Variants in OPRK1 observed in about 807,000 individuals in gnomAD.
The protein encoded by OPRK1 is kappa-type opioid receptor.
OPRK1 carries 15 observed loss-of-function variants against 24.5 expected under a neutral mutation model. That is an observed-to-expected ratio of 0.61 (90% CI 0.41 to 0.94). OPRK1 has a LOEUF of 0.94. OPRK1 is among the 40% of genes least tolerant of loss of function. OPRK1 has a pLI of 0.00. For missense variants in OPRK1, 479 were observed against 507.3 expected, an observed-to-expected ratio of 0.94 and a Z score of 0.54; for synonymous variants, 205 against 198.0, an observed-to-expected ratio of 1.04 and a Z score of -0.30.
intron 3 of OPRK1, among the ~76,000 whole-genome samples, chr8:53,232,335 G>C (rs1806875599): frequency 6.6e-6 from 1 of 152,064 alleles, no homozygotes; most frequent in Non-Finnish European, 1.5e-5. Context: ...GCACAAGAAG[G>C]TGACTACAGT....
chr8:53,251,397 T>G, intron 1 of OPRK1, 51 bp downstream of exon 1: 1 of 322,110 alleles, frequency 3.1e-6, no homozygotes. Context: ...CCTTCCCACC[T>G]CCCAGCACGG....
At chr8:53,238,709 G>A in intron 2 of OPRK1, 1 of 985,440 alleles carries the variant, frequency 1.0e-6, no homozygotes, top group Non-Finnish European at 1.2e-6. Flanking sequence ...ATGGTGAGGG[G>A]AACAAAGTTA....
chr8:53,234,182 C>CAAAAAAAAAAAAAA lies in OPRK1; in HGVS notation c.610+563_610+576dup, dbSNP rs546459906. On this transcript the variant is annotated intron_variant, in intron 3 of 3. Transcript: ENST00000265572. ...CTGGCAACAGAGCAAGACTCTCTCT[C>CAAAAAAAAAAAAAA]AAAAAAAAAAAAAAAAAAAAATCAG... 9.9e-4 allele frequency among the ~76,000 whole-genome samples: 65 copies of CAAAAAAAAAAAAAA among 65,356 alleles called. 7 individuals are homozygous for CAAAAAAAAAAAAAA. Among genetic ancestry groups the CAAAAAAAAAAAAAA allele is most frequent in the African/African-American group, 4.0e-3 (50 of 12,458 alleles). The allele number at this position is 65,356 out of a possible 152,430, so 42.9% of individuals were successfully genotyped here.
chr8:53,230,103 T>C (rs1027412850), intron 3 of OPRK1, among the ~76,000 whole-genome samples: 6 of 151,640 alleles, frequency 4.0e-5, no homozygotes, highest in Admixed American at 1.3e-4. Flanking sequence ...CTTGCTCATC[T>C]AGTTGCAGAA....
At chr8:53,236,758 G>GA (rs992515993) in intron 2 of OPRK1, among the ~76,000 whole-genome samples, 10 of 152,034 alleles carry the variant, frequency 6.6e-5, no homozygotes, top group African/African-American at 2.4e-4. Flanking sequence ...TTTTATGTTT[G>GA]AAAAAAATGC....
At position 53,234,754 on chromosome 8, in the gene OPRK1, C is replaced by T. The variant is rs200151020; in HGVS notation, c.610+5G>A. The T allele has an allele frequency of 5.0e-6, 8 of 1,605,654 alleles. No individual in the cohort carries two copies. The highest frequency in any genetic ancestry group is 1.7e-4 in the Middle Eastern group (1 of 6,054). ...TTATGAACAGAATGAAATGACTGCTCTTACCTTCCCTGACTTTGGTGCCTC... is the reference window on the plus strand; with the variant it reads ...TTATGAACAGAATGAAATGACTGCTTTTACCTTCCCTGACTTTGGTGCCTC... On this transcript the variant is annotated splice_donor_5th_base_variant and intron_variant, in intron 3 of 3. Transcript: ENST00000265572.
Position 53,248,547 on chromosome 8 carries a change from C to T in OPRK1, c.257+2234G>A, listed in dbSNP as rs539837916. On this transcript the variant is annotated intron_variant, in intron 2 of 3. Coordinates refer to ENST00000265572, the MANE Select transcript of OPRK1 (RefSeq NM_000912.5). ...TCACAACGCAACCCACTTCATGCCA[C>T]CCTCTCTCTGATCTTCAGTCTCTTC... 4.6e-4 allele frequency among the ~76,000 whole-genome samples: 70 copies of T among 152,308 alleles called. No homozygotes were observed. In the South Asian group the frequency reaches 0.011, roughly 25 times the overall value.
chr8:53,251,226 C>T, intron 1 of OPRK1, 141 bp from the exon 2 acceptor site: 1 of 933,478 alleles, frequency 1.1e-6, no homozygotes, highest in Non-Finnish European at 1.5e-6. Context: ...ACGGACTTCT[C>T]GCTGCCTTTC....
chr8:53,229,873 G>T (rs753628340), intron 3 of OPRK1, 44 bp from the exon 4 acceptor site: 4 of 1,492,188 alleles, frequency 2.7e-6, no homozygotes, highest in East Asian at 2.3e-5. Context: ...ACCTGTTATT[G>T]TTATTACCGT....
chr8:53,229,540 C>T lies in OPRK1; in HGVS notation c.900G>A (p.Gly300=). ...IHIFILVEAL[G]STSHSTAALS... is the part of the protein sequence containing the mutation. ...GAGCAGCTGTGCTGTGGGAGGTGCTCCCCAGAGCCTCCACCAGGATGAATA... is the reference window on the plus strand; with the variant it reads ...GAGCAGCTGTGCTGTGGGAGGTGCTTCCCAGAGCCTCCACCAGGATGAATA... Residue 300 remains glycine, a synonymous_variant, in exon 4 of 4, where the codon GGG becomes GGA. Coordinates refer to ENST00000265572, the MANE Select transcript of OPRK1 (RefSeq NM_000912.5). 1.9e-6 allele frequency: 3 copies of T among 1,614,138 alleles called. No homozygotes were observed. Among genetic ancestry groups the T allele is most frequent in the Non-Finnish European group, 2.5e-6 (3 of 1,180,022 alleles).
At chr8:53,248,446 A>C (rs1348371535) in intron 2 of OPRK1, among the ~76,000 whole-genome samples, 1 of 152,146 alleles carries the variant, frequency 6.6e-6, no homozygotes, top group African/African-American at 2.4e-5. Context: ...TCATCTTTCA[A>C]GCACAGCTAC....
rs1291894370 is a variant in OPRK1 at position 53,251,034 on chromosome 8, C to T, written c.4G>A (p.Asp2Asn). The T allele has an allele frequency of 4.5e-6, 7 of 1,539,408 alleles. No individual in the cohort carries two copies. Among genetic ancestry groups the T allele is most frequent in the Non-Finnish European group, 6.1e-6 (7 of 1,148,704 alleles). Residue 2 changes from aspartate (D) to asparagine (N), a missense_variant, in exon 2 of 4, where the codon GAC becomes AAC. By Grantham distance (23) the Asp-to-Asn change is conservative. Coordinates refer to ENST00000265572, the MANE Select transcript of OPRK1 (RefSeq NM_000912.5). Reference protein sequence around the residue: MDSPIQIFRGEP... With the variant: MNSPIQIFRGEP... ...CCGCGGAAGATCTGGATCGGGGAGTCCATGGTGGGGCGATTGCAGCAGGAA... is the reference window on the plus strand; with the variant it reads ...CCGCGGAAGATCTGGATCGGGGAGTTCATGGTGGGGCGATTGCAGCAGGAA...
At chr8:53,251,236 C>T in intron 1 of OPRK1, 151 bp from the exon 2 acceptor site, 1 of 864,080 alleles carries the variant, frequency 1.2e-6, no homozygotes, top group Non-Finnish European at 1.6e-6. Context: ...CGCTGCCTTT[C>T]CGGCCAGCAG....
At chr8:53,247,888 G>A (rs1040804907) in intron 2 of OPRK1, among the ~76,000 whole-genome samples, 5 of 151,110 alleles carry the variant, frequency 3.3e-5, no homozygotes, top group Non-Finnish European at 7.4e-5. Context: ...CTACTTGGGA[G>A]GCTGAGGTGA....
In OPRK1 at chr8:53,227,781, A is replaced by T. The variant is rs200549868; in HGVS notation, c.*1516T>A. 1 of 152,004 alleles carries T rather than the reference A, an allele frequency of 6.6e-6. No individual in the cohort carries two copies. Among genetic ancestry groups the T allele is most frequent in the Non-Finnish European group, 1.5e-5 (1 of 68,028 alleles). 9.4% of individuals were successfully genotyped at this position (152,004 alleles called of 1,614,324 possible). A position where few individuals can be genotyped will look rare whatever the true frequency, so the allele number is the denominator to read the frequency against. On this transcript the variant is annotated 3_prime_UTR_variant, in exon 4 of 4. Transcript: ENST00000265572. ...AGTACATACACCACCGAGAACTTGC[A>T]TGGTGAACAGAACTTAACAGTTGTA...
chr8:53,235,004 T>C lies in OPRK1; in HGVS notation c.365A>G (p.Asn122Ser), dbSNP rs201447402. The change falls in exon 3 of 4, where the codon AAT becomes AGT. Residue 122 changes from asparagine (N) to serine (S), a missense_variant. By Grantham distance (46) the Asn-to-Ser change is conservative. Coordinates refer to ENST00000265572, the MANE Select transcript of OPRK1 (RefSeq NM_000912.5). ...CAGCACATCCCCAAAAGGCCAGGAATTCATCAAGTAGACCGTACTCTGAAA... is the reference window on the plus strand; with the variant it reads ...CAGCACATCCCCAAAAGGCCAGGAACTCATCAAGTAGACCGTACTCTGAAA... ...MPFQSTVYLM[N>S]SWPFGDVLCK... The C allele has an allele frequency of 3.7e-6, 6 of 1,614,196 alleles. No homozygotes were observed. Among genetic ancestry groups the C allele is most frequent in the Non-Finnish European group, 8.5e-7 (1 of 1,180,044 alleles).
chr8:53,237,499 T>A (rs921510271), intron 2 of OPRK1, among the ~76,000 whole-genome samples: 3 of 152,236 alleles, frequency 2.0e-5, no homozygotes, highest in Admixed American at 6.5e-5. Context: ...ATTTCCGAAG[T>A]GCCTGCGTCA....
chr8:53,248,948 T>A (rs750936815), intron 2 of OPRK1, among the ~76,000 whole-genome samples: 1 of 152,184 alleles, frequency 6.6e-6, no homozygotes, highest in Non-Finnish European at 1.5e-5. Flanking sequence ...ATAACACACT[T>A]TAGTGTTGGA....
chr8:53,246,925 G>A (rs1380687930), intron 2 of OPRK1, among the ~76,000 whole-genome samples: 3 of 152,200 alleles, frequency 2.0e-5, no homozygotes, highest in African/African-American at 7.2e-5. Flanking sequence ...AAACAGAAGA[G>A]GGACACAGAA....
Sources: allele counts gnomAD v4.1 joint callset (sites outside exome capture counted in the v4.1 genomes callset), GRCh38; gene constraint gnomAD v4.1.1; transcripts MANE v1.5; gene names NCBI Gene and HGNC (gene_info 2026-07-23, HGNC 2026-07-21).